AUTS2: variants seen among roughly 807,000 people sequenced by gnomAD.
AUTS2 encodes the protein autism susceptibility gene 2 protein.
In AUTS2, 17 loss-of-function variants were observed where a neutral mutation model predicts 112.4. The observed-to-expected ratio is 0.15, with a 90% CI of 0.10 to 0.23. AUTS2 has a LOEUF of 0.23. Ranked by LOEUF, AUTS2 falls within the 10% of genes least tolerant of loss-of-function variation. The pLI is 1.00. For synonymous variants in AUTS2, 751 were observed against 702.7 expected (o/e 1.07, Z -1.09); for missense variants, 1,510 against 1,701.6 (o/e 0.89, Z 1.98).
chr7:70,093,590 G>T (rs1202214799), intron 2 of AUTS2, among the ~76,000 whole-genome samples: 1 of 152,208 alleles, frequency 6.6e-6, no homozygotes, highest in Non-Finnish European at 1.5e-5. Flanking sequence ...CTTAGAAGTG[G>T]AGAGAAAGGA....
At chr7:70,172,504 C>T (rs1214377149) in intron 4 of AUTS2, among the ~76,000 whole-genome samples, 2 of 152,222 alleles carry the variant, frequency 1.3e-5, no homozygotes, top group Non-Finnish European at 2.9e-5. Flanking sequence ...AGCTAGAGTA[C>T]ATCCTTGAGA....
At chr7:70,559,224 C>G (rs755497082) in intron 5 of AUTS2, among the ~76,000 whole-genome samples, 1 of 152,110 alleles carries the variant, frequency 6.6e-6, no homozygotes, top group Non-Finnish European at 1.5e-5. Context: ...ACTGTGAGTC[C>G]GTTAAATCTC....
chr7:70,278,511 G>A lies in AUTS2; in HGVS notation c.660+143940G>A, dbSNP rs557918741. 1.9e-4 allele frequency among the ~76,000 whole-genome samples: 29 copies of A among 152,198 alleles called. No individual in the cohort carries two copies. The South Asian group carries it at 5.0e-3, about 26-fold the overall frequency. On this transcript the variant is annotated intron_variant, in intron 4 of 18. Coordinates refer to ENST00000342771, the MANE Select transcript of AUTS2 (RefSeq NM_015570.4). ...GGTGGGAGGCTTGAGCCTGGGTGGT[G>A]GAGGCTGAGTGAGTGAGAGTGTGTC...
intron 2 of AUTS2, among the ~76,000 whole-genome samples, chr7:70,027,442 T>C (rs1203106201): frequency 6.6e-6 from 1 of 152,208 alleles, no homozygotes; most frequent in Admixed American, 6.5e-5. Context: ...TTGCCTCCAT[T>C]ACTAAGTCTT....
intron 1 of AUTS2, among the ~76,000 whole-genome samples, chr7:69,704,333 G>A (rs1416245372): frequency 3.3e-5 from 5 of 151,506 alleles, no homozygotes; most frequent in African/African-American, 7.3e-5. Flanking sequence ...GCTGGAGTGC[G>A]GTGGTGCGAT....
chr7:70,261,597 T>C (rs1445763720), intron 4 of AUTS2, among the ~76,000 whole-genome samples: 1 of 152,236 alleles, frequency 6.6e-6, no homozygotes, highest in Non-Finnish European at 1.5e-5. Context: ...CTCTCATGTA[T>C]ATCCTGATCA....
intron 1 of AUTS2, among the ~76,000 whole-genome samples, chr7:69,891,774 CTTTTTTTTTTTTTTTTTTTT>C (rs763424098): frequency 0.015 from 406 of 26,734 alleles, 6 homozygotes; most frequent in East Asian, 0.075. Context: ...AGACAGATAT[CTTTTTTTTTTTTTTTTTTTT>C]TTTTTTTTTT....
intron 4 of AUTS2, among the ~76,000 whole-genome samples, chr7:70,422,248 T>A (rs1394026197): frequency 6.6e-6 from 1 of 152,136 alleles, no homozygotes; most frequent in African/African-American, 2.4e-5. Context: ...AAAAAAGAAA[T>A]CTGGTTGGTG....
chr7:69,983,333 A>G (rs1379671889), intron 2 of AUTS2, among the ~76,000 whole-genome samples: 2 of 151,198 alleles, frequency 1.3e-5, no homozygotes, highest in Non-Finnish European at 2.9e-5. Context: ...GGGGGCATTT[A>G]TATAAACTTT....
intron 4 of AUTS2, among the ~76,000 whole-genome samples, chr7:70,260,612 C>T (rs1334616187): frequency 6.6e-6 from 1 of 151,784 alleles, no homozygotes; most frequent in Non-Finnish European, 1.5e-5. Flanking sequence ...AATATTGCTG[C>T]ATTGGAGATT....
intron 2 of AUTS2, among the ~76,000 whole-genome samples, chr7:69,906,975 C>T (rs935807454): frequency 6.6e-6 from 1 of 152,030 alleles, no homozygotes; most frequent in African/African-American, 2.4e-5. Flanking sequence ...GGCATGGTGA[C>T]GCATGCCTGT....
intron 2 of AUTS2, among the ~76,000 whole-genome samples, chr7:69,901,435 ACTT>A (rs1230105203): frequency 1.3e-5 from 2 of 152,072 alleles, no homozygotes; most frequent in Non-Finnish European, 2.9e-5. Flanking sequence ...ATTTCTTTCT[ACTT>A]CTTCGAGACT....
At chr7:70,314,958 A>C (rs1789927916) in intron 4 of AUTS2, among the ~76,000 whole-genome samples, 1 of 152,190 alleles carries the variant, frequency 6.6e-6, no homozygotes, top group African/African-American at 2.4e-5. Flanking sequence ...AATCTAAAGG[A>C]GAAACCACCT....
intron 4 of AUTS2, among the ~76,000 whole-genome samples, chr7:70,245,171 A>ATATATATATATATATATAT (rs61292882): frequency 2.3e-5 from 3 of 129,590 alleles, no homozygotes; most frequent in African/African-American, 9.8e-5. Context: ...TATATATATA[A>ATATATATATATATATATAT]AAAATAAAAA....
intron 1 of AUTS2, among the ~76,000 whole-genome samples, chr7:69,692,628 G>T (rs535979074): frequency 1.3e-5 from 2 of 152,212 alleles, no homozygotes; most frequent in African/African-American, 4.8e-5. Context: ...GAAATGGAGA[G>T]ATACTTTCTT....
chr7:70,582,635 G>A (rs1802504595), intron 5 of AUTS2, among the ~76,000 whole-genome samples: 1 of 152,210 alleles, frequency 6.6e-6, no homozygotes, highest in Admixed American at 6.5e-5. Flanking sequence ...AGGCTGCAAA[G>A]TGTGGGTAGA....
At chr7:69,756,627 C>A (rs1787957591) in intron 1 of AUTS2, among the ~76,000 whole-genome samples, 1 of 149,954 alleles carries the variant, frequency 6.7e-6, no homozygotes, top group Admixed American at 6.6e-5. Flanking sequence ...TTTGTCATCT[C>A]TTGAAATTTC....
intron 6 of AUTS2, among the ~76,000 whole-genome samples, chr7:70,756,328 C>T (rs917608064): frequency 1.3e-5 from 2 of 152,100 alleles, no homozygotes; most frequent in African/African-American, 4.8e-5. Flanking sequence ...ATTTCCACAA[C>T]CACCCTAGGA....
chr7:69,939,777 C>A (rs1796552799), intron 2 of AUTS2, among the ~76,000 whole-genome samples: 1 of 152,138 alleles, frequency 6.6e-6, no homozygotes, highest in Non-Finnish European at 1.5e-5. Context: ...AGCATGGGAA[C>A]TTAGTAAATG....
Sources: allele counts gnomAD v4.1 joint callset (sites outside exome capture counted in the v4.1 genomes callset), GRCh38; gene constraint gnomAD v4.1.1; transcripts MANE v1.5; gene names NCBI Gene and HGNC (gene_info 2026-07-23, HGNC 2026-07-21).